Variants in MARCHF1 observed in about 807,000 individuals in gnomAD.
The protein encoded by MARCHF1 is E3 ubiquitin-protein ligase MARCHF1.
In MARCHF1, 40 loss-of-function variants were observed where a neutral mutation model predicts 54.2. The ratio of observed to expected loss-of-function variants is 0.74; its 90% CI spans 0.57 to 0.96. The LOEUF (loss-of-function observed/expected upper bound fraction) is 0.96, where lower values mean the gene tolerates loss of function less well. Among genes scored for constraint, MARCHF1 ranks in the 40% least tolerant of loss-of-function variants. The pLI is 0.00. For synonymous variants in MARCHF1, 236 were observed against 236.3 expected (o/e 1.00, Z 0.01); for missense variants, 586 against 656.5 (o/e 0.89, Z 1.17).
rs115885813 is a variant in MARCHF1, at chr4:163,844,148, G to T, written c.111+9873C>A. On this transcript the variant is annotated intron_variant, in intron 4 of 9. Transcript: ENST00000514618. ...ACCCCAACCTTCCACTCTCTGAAAG[G>T]TCCCAGCATGTGTTCCCCGTTATAC... 5.0e-3 allele frequency among the ~76,000 whole-genome samples: 760 copies of T among 151,822 alleles called. 5 individuals are homozygous for T. Among genetic ancestry groups the T allele is most frequent in the East Asian group, 8.4e-3 (43 of 5,146 alleles).
chr4:163,823,799 C>A (rs1748765656), intron 4 of MARCHF1, among the ~76,000 whole-genome samples: 1 of 151,660 alleles, frequency 6.6e-6, no homozygotes, highest in South Asian at 2.1e-4. Context: ...AATGTTGAGC[C>A]TCCAAGATAG....
In MARCHF1 at chr4:163,733,207, A is replaced by ACACG. The variant is rs1451169238; in HGVS notation, c.112-32345_112-32344insCGTG. On this transcript the variant is annotated intron_variant, in intron 4 of 9. Coordinates refer to ENST00000514618, the MANE Select transcript of MARCHF1 (RefSeq NM_001394959.1). ...TATATATATATATATATATATATAT[A>ACACG]TATATATATATATACACGTGTATAT... 3.5e-3 allele frequency among the ~76,000 whole-genome samples: 67 copies of ACACG among 19,226 alleles called. 5 individuals are homozygous for ACACG. The highest frequency in any genetic ancestry group is 5.8e-3 in the African/African-American group (62 of 10,738). The allele number at this position is 19,226 out of a possible 152,430, so 12.6% of individuals were successfully genotyped here. A position where few individuals can be genotyped will look rare whatever the true frequency, so the allele number is the denominator to read the frequency against.
chr4:163,713,060 C>G (rs1745155173), intron 4 of MARCHF1, among the ~76,000 whole-genome samples: 1 of 151,944 alleles, frequency 6.6e-6, no homozygotes, highest in Non-Finnish European at 1.5e-5. Flanking sequence ...TTTTCTGTCT[C>G]TCTTCATTAT....
chr4:163,983,267 T>C (rs1752797312), intron 3 of MARCHF1, among the ~76,000 whole-genome samples: 2 of 152,146 alleles, frequency 1.3e-5, no homozygotes, highest in African/African-American at 4.8e-5. Flanking sequence ...ATGTACTTTT[T>C]TCTCAAAGAG....
At chr4:164,263,691 AACAG>A (rs34776095) in intron 1 of MARCHF1, among the ~76,000 whole-genome samples, 72,499 of 151,734 alleles carry the variant, frequency 0.48, 19,341 homozygotes, top group Non-Finnish European at 0.63. Flanking sequence ...AAAGGGAACG[AACAG>A]ACACTTTTCA....
At position 163,702,719 on chromosome 4, in the gene MARCHF1, GA is replaced by G. The variant is rs577881313; in HGVS notation, c.112-1857del. On this transcript the variant is annotated intron_variant, in intron 4 of 9. Coordinates refer to ENST00000514618, the MANE Select transcript of MARCHF1 (RefSeq NM_001394959.1). ...ACCAGCATCTGCCAATCTAATGGGG[GA>G]AAAGCATCTGATTGATTATTTAATA... 1.4e-4 allele frequency among the ~76,000 whole-genome samples: 21 copies of G among 152,204 alleles called. 1 individual carries two copies. In the East Asian group the frequency reaches 2.5e-3, roughly 18 times the overall value.
rs545242691 is a variant in MARCHF1 at position 163,632,611 on chromosome 4, C to T, written c.163-19218G>A. Among the ~76,000 whole-genome samples the T allele has an allele frequency of 4.2e-3, 636 of 152,288 alleles. 2 individuals are homozygous for T. Among genetic ancestry groups the T allele is most frequent in the Non-Finnish European group, 6.1e-3 (416 of 68,032 alleles). ...GGAGGGTCCTATGCCCACGGAGTCTCGCTGATTGTTAGCACAGCAGTCTGA... is the reference window on the plus strand; with the variant it reads ...GGAGGGTCCTATGCCCACGGAGTCTTGCTGATTGTTAGCACAGCAGTCTGA... On this transcript the variant is annotated intron_variant, in intron 5 of 9. Coordinates refer to ENST00000514618, the MANE Select transcript of MARCHF1 (RefSeq NM_001394959.1).
intron 5 of MARCHF1, among the ~76,000 whole-genome samples, chr4:163,615,904 G>A (rs1469995438): frequency 1.3e-5 from 2 of 152,012 alleles, no homozygotes; most frequent in Non-Finnish European, 2.9e-5. Context: ...ACACAACAGG[G>A]AATTCAGAAA....
chr4:163,753,217 T>A (rs2110789634), intron 4 of MARCHF1, among the ~76,000 whole-genome samples: 1 of 152,306 alleles, frequency 6.6e-6, no homozygotes, highest in Middle Eastern at 3.4e-3. Flanking sequence ...AGTTATTTAA[T>A]GTTCCAGGAA....
At chr4:163,577,022 C>T (rs1051794911) in intron 8 of MARCHF1, among the ~76,000 whole-genome samples, 2 of 151,810 alleles carry the variant, frequency 1.3e-5, no homozygotes, top group Non-Finnish European at 2.9e-5. Context: ...TTTTTAAATA[C>T]AACTTGCCTT....
At chr4:164,334,045 T>C (rs75285812) in intron 1 of MARCHF1, among the ~76,000 whole-genome samples, 2,247 of 152,164 alleles carry the variant, frequency 0.015, 72 homozygotes, top group East Asian at 0.12. Flanking sequence ...AGAAGAAAAG[T>C]TGGAAGCTAG....
chr4:164,233,132 A>G (rs773744719), intron 1 of MARCHF1, among the ~76,000 whole-genome samples: 65 of 152,168 alleles, frequency 4.3e-4, no homozygotes, highest in Non-Finnish European at 1.5e-4. Flanking sequence ...GGTAATTAAT[A>G]GTACCCCTAT....
chr4:163,550,364 TTCG>T (rs1739067524), intron 8 of MARCHF1, among the ~76,000 whole-genome samples: 1 of 151,956 alleles, frequency 6.6e-6, no homozygotes, highest in African/African-American at 2.4e-5. Context: ...TTAAATCCAT[TTCG>T]TCTTTTTTCT....
chr4:164,189,455 T>G (rs566241685), intron 1 of MARCHF1: 2 of 705,248 alleles, frequency 2.8e-6, no homozygotes, highest in South Asian at 3.2e-5. Flanking sequence ...GATGATGTTG[T>G]TCTTGGTGGC....
chr4:163,597,583 C>A (rs772913282), intron 7 of MARCHF1, among the ~76,000 whole-genome samples: 3 of 152,074 alleles, frequency 2.0e-5, no homozygotes, highest in Non-Finnish European at 4.4e-5. Flanking sequence ...AAAATGTTTT[C>A]TCTATTTTTA....
intron 2 of MARCHF1, among the ~76,000 whole-genome samples, chr4:164,096,445 T>G (rs1035645706): frequency 2.0e-5 from 3 of 152,026 alleles, no homozygotes; most frequent in Non-Finnish European, 4.4e-5. Flanking sequence ...GGGAAAGGGC[T>G]GAAAAACTTC....
intron 2 of MARCHF1, among the ~76,000 whole-genome samples, chr4:164,002,790 T>C (rs1214539585): frequency 6.6e-6 from 1 of 151,828 alleles, no homozygotes; most frequent in Non-Finnish European, 1.5e-5. Flanking sequence ...AACGTTTAAC[T>C]AAAAGAAAAT....
intron 1 of MARCHF1, among the ~76,000 whole-genome samples, chr4:164,199,681 C>CACAGAGAGAGAGAGAG (rs1462208986): frequency 9.0e-4 from 43 of 47,652 alleles, no homozygotes; most frequent in African/African-American, 3.6e-3. Context: ...CACACACACA[C>CACAGAGAGAGAGAGAG]AGAGAGAGAG....
chr4:163,603,609 T>G (rs1560968514), intron 7 of MARCHF1, among the ~76,000 whole-genome samples: 1 of 152,152 alleles, frequency 6.6e-6, no homozygotes, highest in Non-Finnish European at 1.5e-5. Flanking sequence ...GAAAAATTCT[T>G]TGTTGTTTAT....
Sources: gnomAD v4.1 joint callset for allele counts (sites outside exome capture counted in the v4.1 genomes callset) on GRCh38, gnomAD v4.1.1 for gene constraint, MANE v1.5 for transcripts, NCBI Gene and HGNC (gene_info 2026-07-23, HGNC 2026-07-21) for gene names.